Variants in NUDT3 observed in about 807,000 individuals in gnomAD.
NUDT3 encodes diphosphoinositol polyphosphate phosphohydrolase 1.
NUDT3 carries 9 observed loss-of-function variants against 23.6 expected under a neutral mutation model. The observed-to-expected ratio is 0.38, with a 90% CI of 0.23 to 0.66. The LOEUF (loss-of-function observed/expected upper bound fraction) is 0.66, where lower values mean the gene tolerates loss of function less well. Ranked by LOEUF, NUDT3 falls within the 30% of genes least tolerant of loss-of-function variation. The pLI is 0.52. For missense variants in NUDT3, 172 were observed against 218.5 expected, an observed-to-expected ratio of 0.79 and a Z score of 1.34; for synonymous variants, 86 against 82.6, an observed-to-expected ratio of 1.04 and a Z score of -0.22.
At chr6:34,348,650 C>T (rs551907879) in intron 1 of NUDT3, among the ~76,000 whole-genome samples, 4 of 152,102 alleles carry the variant, frequency 2.6e-5, no homozygotes, top group African/African-American at 9.6e-5. Context: ...GTGGCGGGCG[C>T]CTGTAGTCCC....
In NUDT3 at chr6:34,282,612, T is replaced by C. The variant is rs1393640867; in HGVS notation, c.*6141A>G. On this transcript the variant is annotated 3_prime_UTR_variant, in exon 5 of 5. Transcript: ENST00000607016. ...AGTAGATAATTATTCTATACAAGAA[T>C]TAATGTTCTCTGAAACAGTGATTAA... The C allele has an allele frequency of 1.3e-5, 2 of 152,188 alleles. No individual in the cohort carries two copies. The highest frequency in any genetic ancestry group is 2.9e-5 in the Non-Finnish European group (2 of 68,032). The allele number at this position is 152,188 out of a possible 1,614,324, so 9.4% of individuals were successfully genotyped here.
intron 2 of NUDT3, among the ~76,000 whole-genome samples, chr6:34,334,041 C>T (rs373350891): frequency 3.3e-5 from 5 of 152,212 alleles, no homozygotes; most frequent in East Asian, 3.8e-4. Flanking sequence ...GCCATTGGCG[C>T]GTGACCAGGC....
chr6:34,324,323 C>T (rs1398513932), intron 2 of NUDT3, among the ~76,000 whole-genome samples: 2 of 151,746 alleles, frequency 1.3e-5, no homozygotes, highest in Admixed American at 1.3e-4. Context: ...CCACTGCACT[C>T]CAGCATGGGC....
intron 1 of NUDT3, among the ~76,000 whole-genome samples, chr6:34,361,965 G>C (rs150906337): frequency 6.6e-6 from 1 of 152,190 alleles, no homozygotes; most frequent in Non-Finnish European, 1.5e-5. Flanking sequence ...ACCAGCAAGA[G>C]AGAACTCTAA....
At chr6:34,304,051 G>A (rs1306930133) in intron 2 of NUDT3, among the ~76,000 whole-genome samples, 3 of 152,070 alleles carry the variant, frequency 2.0e-5, no homozygotes, top group Non-Finnish European at 4.4e-5. Context: ...TCAGGAGTTC[G>A]AGAGTAGCCT....
chr6:34,314,429 T>C (rs555626204), intron 2 of NUDT3, among the ~76,000 whole-genome samples: 1 of 148,624 alleles, frequency 6.7e-6, no homozygotes, highest in Non-Finnish European at 1.5e-5. Flanking sequence ...CCTGGTGGTA[T>C]GCGCCTGCAG....
At chr6:34,291,434 C>T (rs573014720) in intron 4 of NUDT3, among the ~76,000 whole-genome samples, 3 of 152,132 alleles carry the variant, frequency 2.0e-5, no homozygotes, top group Non-Finnish European at 4.4e-5. Flanking sequence ...CACTGATCCC[C>T]AGTCCTGCTT....
At chr6:34,331,311 T>C (rs1764125227) in intron 2 of NUDT3, among the ~76,000 whole-genome samples, 1 of 151,992 alleles carries the variant, frequency 6.6e-6, no homozygotes, top group African/African-American at 2.4e-5. Flanking sequence ...TTTTCCAAAC[T>C]TTCTTTTTAA....
chr6:34,345,109 T>A (rs969153174), intron 1 of NUDT3, among the ~76,000 whole-genome samples: 6 of 151,628 alleles, frequency 4.0e-5, no homozygotes, highest in African/African-American at 1.5e-4. Flanking sequence ...AGTACAGTGG[T>A]GCAACTTTGG....
intron 2 of NUDT3, among the ~76,000 whole-genome samples, chr6:34,308,210 C>A (rs948221999): frequency 2.3e-5 from 3 of 132,014 alleles, no homozygotes; most frequent in Non-Finnish European, 3.1e-5. Context: ...GTAATCCCAG[C>A]ACTTAGGGAG....
chr6:34,323,129 C>G (rs1236626978), intron 2 of NUDT3, among the ~76,000 whole-genome samples: 1 of 152,094 alleles, frequency 6.6e-6, no homozygotes, highest in East Asian at 1.9e-4. Context: ...GAAAAACAAC[C>G]CATCAGGTAT....
chr6:34,366,239 G>A (rs1479867207), intron 1 of NUDT3, among the ~76,000 whole-genome samples: 1 of 150,204 alleles, frequency 6.7e-6, no homozygotes, highest in African/African-American at 2.4e-5. Context: ...GCTGGGCATG[G>A]TGATGCATGC....
At chr6:34,343,862 C>A (rs1196175783) in intron 1 of NUDT3, among the ~76,000 whole-genome samples, 4 of 152,076 alleles carry the variant, frequency 2.6e-5, no homozygotes, top group Admixed American at 6.6e-5. Flanking sequence ...GGTCCAGTAT[C>A]TAAAACAATA....
chr6:34,309,411 T>C (rs1293573750), intron 2 of NUDT3, among the ~76,000 whole-genome samples: 1 of 149,050 alleles, frequency 6.7e-6, no homozygotes, highest in East Asian at 1.9e-4. Context: ...AGGAAAACTT[T>C]AGGCTAAATG....
intron 1 of NUDT3, among the ~76,000 whole-genome samples, chr6:34,372,370 A>T (rs1285288710): frequency 6.6e-6 from 1 of 152,182 alleles, no homozygotes; most frequent in Non-Finnish European, 1.5e-5. Context: ...ACAGCATAAA[A>T]GTGTTCCTAT....
At chr6:34,391,644 ATG>A (rs1765200733) in intron 1 of NUDT3, among the ~76,000 whole-genome samples, 1 of 152,182 alleles carries the variant, frequency 6.6e-6, no homozygotes, top group Non-Finnish European at 1.5e-5. Flanking sequence ...ATTATATCAA[ATG>A]TCTTTTCTTC....
chr6:34,297,547 A>G (rs1255683411), intron 2 of NUDT3, among the ~76,000 whole-genome samples: 1 of 136,934 alleles, frequency 7.3e-6, no homozygotes, highest in Non-Finnish European at 1.6e-5. Context: ...AAGAAAAGTC[A>G]TTGTTTTTTT....
rs1021071561 is a variant in NUDT3, at chr6:34,286,894, G to A, written c.*1859C>T. 6.0e-5 allele frequency: 9 copies of A among 150,018 alleles called. No homozygotes were observed. The South Asian group carries it at 1.3e-3, about 21-fold the overall frequency. The allele number at this position is 150,018 out of a possible 1,614,324, so 9.3% of individuals were successfully genotyped here. Reference sequence around the variant, plus strand: ...CAACCTCTGCCTCCCAGGTTCAAGCGATTATCTCGCCTCAGCCTCCCAAGT... The same window carrying A: ...CAACCTCTGCCTCCCAGGTTCAAGCAATTATCTCGCCTCAGCCTCCCAAGT... On this transcript the variant is annotated 3_prime_UTR_variant, in exon 5 of 5. Coordinates refer to ENST00000607016, the MANE Select transcript of NUDT3 (RefSeq NM_006703.4).
intron 2 of NUDT3, among the ~76,000 whole-genome samples, chr6:34,296,935 C>CTTTTT (rs566118949): frequency 1.5e-5 from 2 of 134,710 alleles, no homozygotes; most frequent in Non-Finnish European, 3.2e-5. Context: ...GTGGTTAGAC[C>CTTTTT]TTTTTTTTTT....
Sources: allele counts gnomAD v4.1 joint callset (sites outside exome capture counted in the v4.1 genomes callset), GRCh38; gene constraint gnomAD v4.1.1; transcripts MANE v1.5; gene names NCBI Gene and HGNC (gene_info 2026-07-23, HGNC 2026-07-21).